Variants in ANKS6 observed in about 807,000 individuals in gnomAD.
The protein encoded by ANKS6 is ankyrin repeat and sterile alpha motif domain containing 6.
Under a neutral mutation model 77.9 loss-of-function variants are expected in ANKS6, and 47 were observed. The observed-to-expected ratio is 0.60, with a 90% confidence interval of 0.48 to 0.77. ANKS6 has a LOEUF of 0.77. Ranked by LOEUF, ANKS6 falls within the 30% of genes least tolerant of loss-of-function variation. ANKS6 has a pLI of 0.00. For missense variants in ANKS6, 1,150 were observed against 1,159.1 expected, an observed-to-expected ratio of 0.99 and a Z score of 0.11; for synonymous variants, 488 against 501.7, an observed-to-expected ratio of 0.97 and a Z score of 0.37.
chr9:98,777,160 C>T (rs1272883085), intron 8 of ANKS6, among the ~76,000 whole-genome samples: 3 of 152,200 alleles, frequency 2.0e-5, no homozygotes. Flanking sequence ...TCCCCTGCCT[C>T]CATGAGAACA....
At chr9:98,783,503 C>T (rs1479443406) in intron 4 of ANKS6, 1 of 152,752 alleles carries the variant, frequency 6.5e-6, no homozygotes, top group Non-Finnish European at 1.5e-5. Context: ...CCTGTAAACA[C>T]TGAAGCCTAT....
intron 13 of ANKS6, among the ~76,000 whole-genome samples, chr9:98,747,481 C>T (rs146613805): frequency 6.9e-4 from 105 of 152,252 alleles, no homozygotes; most frequent in Non-Finnish European, 1.2e-3. Flanking sequence ...GGCACCCCCA[C>T]CTCTCTGGCA....
intron 2 of ANKS6, among the ~76,000 whole-genome samples, chr9:98,785,400 A>T (rs1237204020): frequency 2.0e-5 from 3 of 152,234 alleles, no homozygotes; most frequent in Admixed American, 2.0e-4. Context: ...AAGCAATCAG[A>T]ACATGCTCCC....
Position 98,749,507 on chromosome 9 carries a change from T to A in ANKS6, c.2394+1522A>T, listed in dbSNP as rs74667625. On this transcript the variant is annotated intron_variant, in intron 13 of 14. Coordinates refer to ENST00000353234, the MANE Select transcript of ANKS6 (RefSeq NM_173551.5). Reference sequence around the variant, plus strand: ...CAACCTCTGAACGATGAAGGACAGGTGAACTCGCAGACATGCCAGGTCAGA... The same window carrying A: ...CAACCTCTGAACGATGAAGGACAGGAGAACTCGCAGACATGCCAGGTCAGA... Among the ~76,000 whole-genome samples, 4 of 152,202 alleles carry A rather than the reference T, an allele frequency of 2.6e-5. No individual in the cohort carries two copies. In the East Asian group the frequency reaches 7.7e-4, roughly 29 times the overall value.
chr9:98,737,155 A>G (rs888523492), intron 14 of ANKS6, among the ~76,000 whole-genome samples: 17 of 152,194 alleles, frequency 1.1e-4, no homozygotes, highest in Non-Finnish European at 1.6e-4. Flanking sequence ...ATGAGAAAAG[A>G]GGGTGGATGT....
chr9:98,733,075 A>G lies in ANKS6; in HGVS notation c.*3444T>C. On this transcript the variant is annotated 3_prime_UTR_variant, in exon 15 of 15. Coordinates refer to ENST00000353234, the MANE Select transcript of ANKS6 (RefSeq NM_173551.5). ...GCTTCATCACCACACCATCTCACCGACATGATTGTCTCCTCTAAGATACTG... is the reference window on the plus strand; with the variant it reads ...GCTTCATCACCACACCATCTCACCGGCATGATTGTCTCCTCTAAGATACTG... 1.2e-6 allele frequency: 1 copy of G among 812,514 alleles called. No homozygotes were observed. The highest frequency in any genetic ancestry group is 1.5e-6 in the Non-Finnish European group (1 of 670,380). The allele number at this position is 812,514 out of a possible 1,614,324, so 50.3% of individuals were successfully genotyped here.
In ANKS6 at chr9:98,782,485, T is replaced by A; in HGVS notation, c.1201A>T (p.Met401Leu). 1 of 1,614,072 alleles carries A rather than the reference T, an allele frequency of 6.2e-7. No homozygotes were observed. The highest frequency in any genetic ancestry group is 8.5e-7 in the Non-Finnish European group (1 of 1,179,934). The change falls in exon 5 of 15, where the codon ATG (methionine) becomes TTG (leucine). Residue 401 changes from methionine to leucine, a missense_variant. Coordinates refer to ENST00000353234, the MANE Select transcript of ANKS6 (RefSeq NM_173551.5). ...TACCTACCGGGATCATTCAGCAGCA[T>A]CACCAGGTCAAAGGCCGTGTATCCA... is the stretch of plus-strand genomic sequence containing the variant. ...KNGYTAFDLV[M>L]LLNDPDTELV...
intron 2 of ANKS6, among the ~76,000 whole-genome samples, chr9:98,785,683 G>C (rs2073383511): frequency 6.6e-6 from 1 of 152,164 alleles, no homozygotes; most frequent in Non-Finnish European, 1.5e-5. Flanking sequence ...GCCTTCTGCA[G>C]CCTTTAATTG....
intron 2 of ANKS6, 88 bp from the exon 3 acceptor site, chr9:98,784,964 T>A (rs9695123): frequency 8.4e-7 from 1 of 1,194,272 alleles, no homozygotes; most frequent in Non-Finnish European, 1.2e-6. Context: ...AGCCTGGCTT[T>A]AAAAAGCATC....
intron 6 of ANKS6, among the ~76,000 whole-genome samples, chr9:98,779,408 T>G (rs916684129): frequency 1.3e-5 from 2 of 152,188 alleles, no homozygotes; most frequent in Non-Finnish European, 2.9e-5. Flanking sequence ...TGCAAACGGA[T>G]TCCTTGGGAA....
At chr9:98,771,129 G>A in intron 9 of ANKS6, 83 bp from the exon 10 acceptor site, 1 of 1,369,040 alleles carries the variant, frequency 7.3e-7, no homozygotes, top group Non-Finnish European at 9.5e-7. Context: ...GGGTTCCTGT[G>A]CTCAGCTGGT....
chr9:98,767,589 C>T (rs1286374430), intron 11 of ANKS6, among the ~76,000 whole-genome samples: 4 of 152,146 alleles, frequency 2.6e-5, no homozygotes, highest in Admixed American at 2.6e-4. Flanking sequence ...CAGATGCTCC[C>T]AGGATGTATA....
rs1159587402 is a variant in ANKS6 at position 98,790,240 on chromosome 9, C to G, written c.726G>C (p.Gln242His). ...GGTTGGCGCCCTTCTCCACCAGCTG[C>G]TGGGCCACTCCAAGCCGCCCAGTGA... ...AALTGRLGVA[Q>H]QLVEKGANPD... Residue 242 changes from glutamine (Q) to histidine (H), a missense_variant, in exon 2 of 15, where the codon CAG (glutamine) becomes CAC (histidine). Physicochemically the swap from Gln to His is conservative, Grantham distance 24. Transcript: ENST00000353234. The G allele has an allele frequency of 2.5e-6, 4 of 1,606,512 alleles. No homozygotes were observed. The highest frequency in any genetic ancestry group is 2.6e-6 in the Non-Finnish European group (3 of 1,174,702).
intron 6 of ANKS6, 55 bp from the exon 7 acceptor site, chr9:98,778,479 GC>G: frequency 1.3e-6 from 2 of 1,564,894 alleles, no homozygotes. Flanking sequence ...AGGAGACCAG[GC>G]CCAGGACCTG....
chr9:98,780,125 C>T (rs1234724428), intron 6 of ANKS6, 64 bp downstream of exon 6: 8 of 1,596,358 alleles, frequency 5.0e-6, no homozygotes, highest in Non-Finnish European at 6.8e-6. Context: ...TAGGAGGCAG[C>T]AGGCTCCCCG....
chr9:98,772,731 G>T (rs948881469), intron 9 of ANKS6, among the ~76,000 whole-genome samples: 1 of 152,180 alleles, frequency 6.6e-6, no homozygotes, highest in Non-Finnish European at 1.5e-5. Flanking sequence ...CTCTACCTGG[G>T]ACGCTGCTGC....
intron 11 of ANKS6, among the ~76,000 whole-genome samples, chr9:98,763,366 A>C (rs1554740743): frequency 6.6e-6 from 1 of 152,138 alleles, no homozygotes; most frequent in South Asian, 2.1e-4. Flanking sequence ...TAATTGAAAA[A>C]TAAACAATAC....
At chr9:98,778,123 C>A in intron 7 of ANKS6, 103 bp downstream of exon 7, 1 of 1,357,328 alleles carries the variant, frequency 7.4e-7, no homozygotes. Context: ...CCCATTCCAA[C>A]ATCATCTTAC....
intron 2 of ANKS6, among the ~76,000 whole-genome samples, chr9:98,785,421 C>T (rs564879284): frequency 6.6e-6 from 1 of 152,388 alleles, no homozygotes; most frequent in South Asian, 2.1e-4. Context: ...TCCTCCAAAC[C>T]TGCAGACACA....
Sources: allele counts gnomAD v4.1 joint callset (sites outside exome capture counted in the v4.1 genomes callset), GRCh38; gene constraint gnomAD v4.1.1; transcripts MANE v1.5; gene names NCBI Gene and HGNC (gene_info 2026-07-23, HGNC 2026-07-21).